MYT1L: variants seen among roughly 807,000 people sequenced by gnomAD.
MYT1L encodes the protein myelin transcription factor 1 like.
Under a neutral mutation model 126.7 loss-of-function variants are expected in MYT1L, and 12 were observed. That is an observed-to-expected ratio of 0.09 (90% CI 0.06 to 0.15). The LOEUF (loss-of-function observed/expected upper bound fraction) is 0.15. Among genes scored for constraint, MYT1L ranks in the 10% least tolerant of loss-of-function variants. The pLI, the probability that MYT1L is intolerant of heterozygous loss-of-function variation, is 1.00. For missense variants in MYT1L, 979 were observed against 1,585.2 expected, an observed-to-expected ratio of 0.62 and a Z score of 6.49; for synonymous variants, 541 against 604.2, an observed-to-expected ratio of 0.90 and a Z score of 1.53.
At chr2:1,930,867 C>T (rs1440997141) in intron 9 of MYT1L, among the ~76,000 whole-genome samples, 8 of 152,118 alleles carry the variant, frequency 5.3e-5, no homozygotes, top group Non-Finnish European at 1.2e-4. Flanking sequence ...TTAGTTTTCA[C>T]CCAGGTCATA....
intron 18 of MYT1L, among the ~76,000 whole-genome samples, chr2:1,879,640 T>C (rs1446955383): frequency 6.6e-6 from 1 of 152,100 alleles, no homozygotes; most frequent in Non-Finnish European, 1.5e-5. Flanking sequence ...ATAATATATA[T>C]TTATAGTTTA....
chr2:2,082,721 A>G (rs2150327205), intron 3 of MYT1L, among the ~76,000 whole-genome samples: 1 of 152,352 alleles, frequency 6.6e-6, no homozygotes, highest in African/African-American at 2.4e-5. Context: ...GGGGATATAT[A>G]TAAACCCTTC....
chr2:2,271,296 G>C (rs1163177753), intron 2 of MYT1L, among the ~76,000 whole-genome samples: 3 of 152,180 alleles, frequency 2.0e-5, no homozygotes, highest in African/African-American at 7.2e-5. Flanking sequence ...CCCACCTGAG[G>C]AAGGCTTTAT....
intron 8 of MYT1L, among the ~76,000 whole-genome samples, chr2:1,959,455 C>T (rs2058780220): frequency 6.6e-6 from 1 of 152,326 alleles, no homozygotes; most frequent in Middle Eastern, 3.4e-3. Flanking sequence ...TCTGGTACAT[C>T]TGGGCACTCA....
chr2:2,033,423 T>C (rs181406568), intron 4 of MYT1L, among the ~76,000 whole-genome samples: 18 of 148,164 alleles, frequency 1.2e-4, no homozygotes, highest in Middle Eastern at 3.6e-3. Context: ...CCAGAGCAGA[T>C]TCGAGAAGGA....
At chr2:1,802,092 G>C in intron 22 of MYT1L, 1 of 274,884 alleles carries the variant, frequency 3.6e-6, no homozygotes, top group Non-Finnish European at 6.8e-6. Flanking sequence ...GGTCTTAGAT[G>C]TATCGAGGCA....
rs1307640133 is a variant in MYT1L at position 1,813,511 on chromosome 2, C to A, written c.3081-4344G>T. Among the ~76,000 whole-genome samples, 4 of 152,302 alleles carry A rather than the reference C, an allele frequency of 2.6e-5. 1 individual carries two copies. The highest frequency in any genetic ancestry group is 2.6e-4 in the Admixed American group (4 of 15,304). ...ACTCCCGGCCGTGGCCTGTGAGGAA[C>A]CGGGCCGTACAGGTGGAGGTGGGCA... On this transcript the variant is annotated intron_variant, in intron 21 of 24. Coordinates refer to ENST00000647738, the MANE Select transcript of MYT1L (RefSeq NM_001303052.2).
In MYT1L at chr2:2,224,408, G is replaced by A. The variant is rs1368454041; in HGVS notation, c.-420-51420C>T. Among the ~76,000 whole-genome samples, 1 of 152,154 alleles carries A rather than the reference G, an allele frequency of 6.6e-6. No individual in the cohort carries two copies. The highest frequency in any genetic ancestry group is 2.4e-5 in the African/African-American group (1 of 41,434). Reference sequence around the variant, plus strand: ...TCCCCAAAAAGACCGGAGAGCTGGCGAGGTGACAGCCATGCTGCTCTTTCT... The same window carrying A: ...TCCCCAAAAAGACCGGAGAGCTGGCAAGGTGACAGCCATGCTGCTCTTTCT... On this transcript the variant is annotated intron_variant, in intron 2 of 24. Transcript: ENST00000647738. This position sits in a 1 kb window ranked among gnomAD's most constrained non-coding sequence, Gnocchi z 4.0.
intron 3 of MYT1L, among the ~76,000 whole-genome samples, chr2:2,163,128 C>A (rs747013507): frequency 2.7e-4 from 41 of 152,088 alleles, no homozygotes; most frequent in Non-Finnish European, 5.4e-4. Context: ...CTGAAACTAC[C>A]AGCAGGACCA....
At chr2:2,190,448 G>A (rs1367579265) in intron 2 of MYT1L, among the ~76,000 whole-genome samples, 2 of 90,260 alleles carry the variant, frequency 2.2e-5, no homozygotes, top group Admixed American at 1.2e-4. Flanking sequence ...CAAACTGTCT[G>A]TATGCCTATT....
At chr2:2,174,421 G>A (rs568802712) in intron 2 of MYT1L, among the ~76,000 whole-genome samples, 1 of 152,264 alleles carries the variant, frequency 6.6e-6, no homozygotes, top group African/African-American at 2.4e-5. Context: ...ATACCACCTT[G>A]AAATCATCTA....
intron 3 of MYT1L, among the ~76,000 whole-genome samples, chr2:2,097,848 C>A (rs1006371191): frequency 1.3e-5 from 2 of 152,052 alleles, no homozygotes; most frequent in Non-Finnish European, 2.9e-5. Context: ...GGAGGTGATG[C>A]CTGGTGGGAG....
chr2:2,284,980 T>C (rs1021724749), intron 1 of MYT1L, among the ~76,000 whole-genome samples: 6 of 152,178 alleles, frequency 3.9e-5, no homozygotes, highest in Non-Finnish European at 7.3e-5. Context: ...CCTCCCAAAG[T>C]GCTGGGATTA....
At chr2:2,129,845 G>C (rs1431954231) in intron 3 of MYT1L, among the ~76,000 whole-genome samples, 2 of 151,244 alleles carry the variant, frequency 1.3e-5, no homozygotes, top group Admixed American at 1.3e-4. Flanking sequence ...GGCGGAGCTT[G>C]CAGTGAGCCG....
intron 2 of MYT1L, among the ~76,000 whole-genome samples, chr2:2,232,199 G>A (rs565087304): frequency 6.6e-6 from 1 of 152,350 alleles, no homozygotes; most frequent in Admixed American, 6.5e-5. Context: ...ATAACAGGTA[G>A]GTTTGGTGAA....
intron 1 of MYT1L, among the ~76,000 whole-genome samples, chr2:2,290,767 C>T (rs2095586882): frequency 6.6e-6 from 1 of 152,272 alleles, no homozygotes; most frequent in Non-Finnish European, 1.5e-5. Context: ...AGACACTGAT[C>T]CAATTAGTCT....
intron 1 of MYT1L, among the ~76,000 whole-genome samples, chr2:2,298,358 A>G (rs1445058984): frequency 6.6e-6 from 1 of 152,210 alleles, no homozygotes; most frequent in African/African-American, 2.4e-5. Flanking sequence ...ATGAGAGACC[A>G]TTCGATGAAG....
At chr2:2,017,404 G>A (rs771081795) in intron 4 of MYT1L, among the ~76,000 whole-genome samples, 13 of 152,216 alleles carry the variant, frequency 8.5e-5, no homozygotes, top group Non-Finnish European at 1.2e-4. Context: ...CCTCTGATTT[G>A]AAAAAGGAAG....
intron 5 of MYT1L, among the ~76,000 whole-genome samples, chr2:1,990,851 C>T (rs2061401895): frequency 6.6e-6 from 1 of 152,224 alleles, no homozygotes; most frequent in Non-Finnish European, 1.5e-5. Context: ...TGTGAAGAAG[C>T]AAGGCTGGCG....
Sources: allele counts gnomAD v4.1 joint callset (sites outside exome capture counted in the v4.1 genomes callset), GRCh38; gene constraint gnomAD v4.1.1; non-coding constraint Gnocchi (gnomAD v3.1); transcripts MANE v1.5; gene names NCBI Gene and HGNC (gene_info 2026-07-23, HGNC 2026-07-21).